ASTN2: variants seen among roughly 807,000 people sequenced by gnomAD.
ASTN2 encodes astrotactin-2.
Under a neutral mutation model 139.8 loss-of-function variants are expected in ASTN2, and 54 were observed. That is an observed-to-expected ratio of 0.39 (90% confidence interval 0.31 to 0.48). ASTN2 has a LOEUF of 0.48. Ranked by LOEUF, ASTN2 falls within the 20% of genes least tolerant of loss-of-function variation. The pLI, the probability that ASTN2 is intolerant of heterozygous loss-of-function variation, is 0.95. For synonymous variants in ASTN2, 756 were observed against 719.5 expected, an observed-to-expected ratio of 1.05 and a Z score of -0.81; for missense variants, 1,565 against 1,725.1, an observed-to-expected ratio of 0.91 and a Z score of 1.64.
intron 13 of ASTN2, among the ~76,000 whole-genome samples, chr9:116,753,106 C>G (rs1421309211): frequency 6.6e-6 from 1 of 152,142 alleles, no homozygotes; most frequent in Non-Finnish European, 1.5e-5. Flanking sequence ...TTGGAAGCAA[C>G]CTAGATGTCT....
At chr9:117,040,859 G>A (rs887485841) in intron 5 of ASTN2, among the ~76,000 whole-genome samples, 11 of 152,176 alleles carry the variant, frequency 7.2e-5, no homozygotes, top group Non-Finnish European at 1.0e-4. Flanking sequence ...AGAGTTTCAC[G>A]GTTAGAAGCT....
chr9:117,169,217 A>G (rs1376990123), intron 3 of ASTN2, among the ~76,000 whole-genome samples: 1 of 152,094 alleles, frequency 6.6e-6, no homozygotes, highest in East Asian at 1.9e-4. Flanking sequence ...AGAAAAAAAA[A>G]AAATCTCATT....
In ASTN2 at chr9:117,114,781, A is replaced by C. The variant is rs1232843202; in HGVS notation, c.1169-18630T>G. ...ATGGCCAGGTCAGAAAAGGCCATGC[A>C]ATGTCACTTAGTTCTCCTGGGACAG... On this transcript the variant is annotated intron_variant, in intron 4 of 22. Coordinates refer to ENST00000313400, the MANE Select transcript of ASTN2 (RefSeq NM_001365068.1). Among the ~76,000 whole-genome samples the C allele has an allele frequency of 2.6e-5, 4 of 152,312 alleles. No homozygotes were observed. The East Asian group carries it at 7.7e-4, about 29-fold the overall frequency.
At position 117,000,413 on chromosome 9, in the gene ASTN2, C is replaced by T. The variant is rs367910239; in HGVS notation, c.1591+7679G>A. 5.3e-5 allele frequency among the ~76,000 whole-genome samples: 8 copies of T among 152,262 alleles called. No homozygotes were observed. The East Asian group carries it at 5.8e-4, about 11-fold the overall frequency. ...CATATGAAAGAATGAGTTAGTGTTCCGCTGTCATTTGCTTTATGTGTTGTA... is the reference window on the plus strand; with the variant it reads ...CATATGAAAGAATGAGTTAGTGTTCTGCTGTCATTTGCTTTATGTGTTGTA... On this transcript the variant is annotated intron_variant, in intron 7 of 22. Coordinates refer to ENST00000313400, the MANE Select transcript of ASTN2 (RefSeq NM_001365068.1).
At chr9:116,996,408 C>T (rs1837017004) in intron 7 of ASTN2, among the ~76,000 whole-genome samples, 1 of 152,000 alleles carries the variant, frequency 6.6e-6, no homozygotes. Flanking sequence ...TGAAGAGTGG[C>T]TGACAGTTAT....
chr9:117,294,887 TTCTCAGTGTTTGTC>T (rs1834690283), intron 1 of ASTN2, among the ~76,000 whole-genome samples: 2 of 152,236 alleles, frequency 1.3e-5, no homozygotes, highest in Non-Finnish European at 2.9e-5. Context: ...AGCTGTCTTC[TTCTCAGTGTTTGTC>T]TCTCAGTCCA....
Position 117,141,456 on chromosome 9 carries a change from C to CT in ASTN2, c.1037dup (p.Thr347AspfsTer16), listed in dbSNP as rs1204451979. On this transcript the variant is annotated frameshift_variant, in exon 4 of 23. Transcript: ENST00000313400. LOFTEE classifies it high-confidence loss of function. ...ACTTCTGCATCAGGGACTCCACTGT[C>CT]TCCTGAGTCGCCTCAGCTGCTGCTA... The CT allele has an allele frequency of 1.5e-6, 2 of 1,367,350 alleles. No homozygotes were observed. Among genetic ancestry groups the CT allele is most frequent in the South Asian group, 2.3e-5 (2 of 88,054 alleles). The allele number at this position is 1,367,350 out of a possible 1,614,324, so 84.7% of individuals were successfully genotyped here. A position where few individuals can be genotyped will look rare whatever the true frequency, so the allele number is the denominator to read the frequency against.
intron 10 of ASTN2, among the ~76,000 whole-genome samples, chr9:116,936,789 T>C (rs953808343): frequency 2.6e-5 from 4 of 151,508 alleles, no homozygotes; most frequent in African/African-American, 7.3e-5. Context: ...CTTCACCTCG[T>C]TCTCATTTAC....
At chr9:116,697,853 G>T (rs962500789) in intron 16 of ASTN2, 1 of 1,614,168 alleles carries the variant, frequency 6.2e-7, no homozygotes, top group Non-Finnish European at 8.5e-7. Context: ...CCAAGCTTCT[G>T]CACTGTGGCC....
At chr9:116,768,533 A>T (rs977025475) in intron 13 of ASTN2, among the ~76,000 whole-genome samples, 8 of 152,138 alleles carry the variant, frequency 5.3e-5, no homozygotes, top group Admixed American at 2.6e-4. Context: ...CATTTCCCCT[A>T]GACAATTGCT....
intron 13 of ASTN2, among the ~76,000 whole-genome samples, chr9:116,734,389 AAATT>A (rs1256652557): frequency 6.6e-6 from 1 of 152,164 alleles, no homozygotes; most frequent in Admixed American, 6.5e-5. Flanking sequence ...ACCTGCCTAA[AAATT>A]AACAGCCTGC....
intron 3 of ASTN2, among the ~76,000 whole-genome samples, chr9:117,161,945 C>T (rs1191198036): frequency 6.6e-6 from 1 of 151,576 alleles, no homozygotes; most frequent in East Asian, 1.9e-4. Context: ...CCATGTATGA[C>T]ATATAGGACA....
chr9:117,090,056 A>C (rs1267654451), intron 5 of ASTN2, among the ~76,000 whole-genome samples: 1 of 152,170 alleles, frequency 6.6e-6, no homozygotes, highest in African/African-American at 2.4e-5. Flanking sequence ...GTAACATATC[A>C]ATGGTTTAAG....
intron 1 of ASTN2, among the ~76,000 whole-genome samples, chr9:117,376,267 C>T (rs1334159463): frequency 2.0e-5 from 3 of 152,110 alleles, no homozygotes; most frequent in Non-Finnish European, 4.4e-5. Flanking sequence ...AAAGTGAGTA[C>T]TTTGGGACAT....
intron 13 of ASTN2, among the ~76,000 whole-genome samples, chr9:116,753,115 C>CT (rs1829441584): frequency 6.6e-6 from 1 of 152,172 alleles, no homozygotes; most frequent in African/African-American, 2.4e-5. Context: ...ACCTAGATGT[C>CT]TTTTAATAGG....
chr9:117,341,739 C>T (rs2130865601), intron 1 of ASTN2, among the ~76,000 whole-genome samples: 1 of 152,284 alleles, frequency 6.6e-6, no homozygotes, highest in African/African-American at 2.4e-5. Flanking sequence ...TAATGAGACT[C>T]ACTAGCTCTA....
rs185235708 is a variant in ASTN2, at chr9:116,681,062, T to A, written c.2807-29269A>T. Among the ~76,000 whole-genome samples the A allele has an allele frequency of 5.2e-3, 795 of 152,214 alleles. 4 individuals are homozygous for A. Among genetic ancestry groups the A allele is most frequent in the African/African-American group, 0.018 (759 of 41,510 alleles). On this transcript the variant is annotated intron_variant, in intron 16 of 22. Coordinates refer to ENST00000313400, the MANE Select transcript of ASTN2 (RefSeq NM_001365068.1). ...GAGAAGGAAATAAAGGGTATTCAAT[T>A]AGGAAAAGAGGAAGTCAAATTGCCC...
chr9:116,705,080 C>T (rs1588226829), intron 16 of ASTN2, among the ~76,000 whole-genome samples: 1 of 152,150 alleles, frequency 6.6e-6, no homozygotes, highest in East Asian at 1.9e-4. Flanking sequence ...CACAAATATC[C>T]CTGTTAAGTG....
intron 1 of ASTN2, among the ~76,000 whole-genome samples, chr9:117,396,152 T>G (rs1408490786): frequency 6.6e-6 from 1 of 152,218 alleles, no homozygotes; most frequent in Non-Finnish European, 1.5e-5. Context: ...TCTCTGGGAT[T>G]CTGTTTCCTC....
Sources: gnomAD v4.1 joint callset for allele counts (sites outside exome capture counted in the v4.1 genomes callset) on GRCh38, gnomAD v4.1.1 for gene constraint, MANE v1.5 for transcripts, NCBI Gene and HGNC (gene_info 2026-07-23, HGNC 2026-07-21) for gene names.